ABCB9: variants seen among roughly 807,000 people sequenced by gnomAD.
ABCB9 encodes the protein ATP binding cassette subfamily B member 9.
Under a neutral mutation model 62.0 loss-of-function variants are expected in ABCB9, and 36 were observed. The ratio of observed to expected loss-of-function variants is 0.58; its 90% CI spans 0.45 to 0.77. The LOEUF (loss-of-function observed/expected upper bound fraction) is 0.77. ABCB9 is among the 30% of genes least tolerant of loss of function. ABCB9 has a pLI of 0.00. For synonymous variants in ABCB9, 435 were observed against 461.4 expected (o/e 0.94, Z 0.73); for missense variants, 943 against 1,054.7 (o/e 0.89, Z 1.47).
chr12:122,963,610 C>A (rs947248677), intron 1 of ABCB9, among the ~76,000 whole-genome samples: 1 of 152,112 alleles, frequency 6.6e-6, no homozygotes, highest in African/African-American at 2.4e-5. Flanking sequence ...GTTCCAAAAT[C>A]TGTACTCTCA....
Position 122,947,321 on chromosome 12 carries a change from G to T in ABCB9, c.1054-1099C>A, listed in dbSNP as rs374113009. On this transcript the variant is annotated intron_variant, in intron 5 of 11. Coordinates refer to ENST00000280560, the MANE Select transcript of ABCB9 (RefSeq NM_019625.4). This position sits in a 1 kb window ranked among gnomAD's most constrained non-coding sequence, Gnocchi z 6.0. ...CAGTGAGGACGGTGGGGAGGCTCGT[G>T]ACCAGGAACTTCGGGAAGAGGTCCT... Among the ~76,000 whole-genome samples the T allele has an allele frequency of 9.1e-4, 139 of 152,310 alleles. 4 individuals carry two copies. In the South Asian group the frequency reaches 0.028, roughly 31 times the overall value.
chr12:122,952,905 C>T (rs1419755050), intron 2 of ABCB9: 2 of 152,244 alleles, frequency 1.3e-5, no homozygotes, highest in Non-Finnish European at 2.9e-5. Context: ...CAACTTTGCT[C>T]ACATCAGCCT....
intron 10 of ABCB9, among the ~76,000 whole-genome samples, chr12:122,933,150 C>T (rs2035278424): frequency 3.3e-5 from 5 of 152,198 alleles, no homozygotes; most frequent in Admixed American, 2.6e-4. Context: ...GCCTTGGCCT[C>T]CAAAGTGCTG....
chr12:122,918,712 C>A (rs766890607), downstream of ABCB9, among the ~76,000 whole-genome samples: 1 of 152,120 alleles, frequency 6.6e-6, no homozygotes, highest in Non-Finnish European at 1.5e-5. Flanking sequence ...CCCACTTCGG[C>A]CTCCTAAAGT....
chr12:122,935,334 TC>T lies in ABCB9; in HGVS notation c.1840del (p.Glu614ArgfsTer67). 6.2e-7 allele frequency: 1 copy of T among 1,614,048 alleles called. No individual in the cohort carries two copies. The highest frequency in any genetic ancestry group is 8.5e-7 in the Non-Finnish European group (1 of 1,179,992). On this transcript the variant is annotated frameshift_variant, in exon 10 of 12. Transcript: ENST00000280560. LOFTEE classifies it high-confidence loss of function. ...GTGGGCATTGGCCTTCTGTGCGGCCTCCACCACCATCTCGAAAGGCACAGTG... is the reference window on the plus strand; with the variant it reads ...GTGGGCATTGGCCTTCTGTGCGGCCTCACCACCATCTCGAAAGGCACAGTG... ...LPTVPFEMVV[E>X]AAQKANAHGF...
At chr12:122,962,627 A>C (rs778525317) in intron 1 of ABCB9, among the ~76,000 whole-genome samples, 8 of 152,174 alleles carry the variant, frequency 5.3e-5, no homozygotes, top group Non-Finnish European at 1.0e-4. Flanking sequence ...AGCCAGGATG[A>C]CTTGAGGCAG....
In ABCB9 at chr12:122,946,586, G is replaced by A. The variant is rs2135839887; in HGVS notation, c.1054-364C>T. ...CACCTGACCCTGTGCTGGAAGAGCA[G>A]GGGATGCCTTGGACGGTTGTTCAGG... On this transcript the variant is annotated intron_variant, in intron 5 of 11. Coordinates refer to ENST00000280560, the MANE Select transcript of ABCB9 (RefSeq NM_019625.4). The A allele has an allele frequency of 1.0e-5, 3 of 289,534 alleles. No individual in the cohort carries two copies. The East Asian group carries it at 2.4e-4, about 23-fold the overall frequency. The allele number at this position is 289,534 out of a possible 1,614,324, so 17.9% of individuals were successfully genotyped here.
At chr12:122,938,910 G>A (rs973684197) in intron 9 of ABCB9, among the ~76,000 whole-genome samples, 2 of 151,840 alleles carry the variant, frequency 1.3e-5, no homozygotes, top group African/African-American at 4.8e-5. Flanking sequence ...GGTGGCTCAC[G>A]CCTATAAACC....
rs771775213 is a variant in ABCB9, at chr12:122,944,573, TC to T, written c.1252-55del. On this transcript the variant is annotated intron_variant, in intron 6 of 11. Coordinates refer to ENST00000280560, the MANE Select transcript of ABCB9 (RefSeq NM_019625.4). The surrounding 1 kb of genome is among the most constrained non-coding windows in gnomAD (Gnocchi z 4.9). ...CGAGGGGACCTTAGATCCCCCACCA[TC>T]CCCATTCCCTGACCCATCCCAGGCT... is the stretch of plus-strand genomic sequence containing the variant. 6 of 1,597,258 alleles carry T rather than the reference TC, an allele frequency of 3.8e-6. No homozygotes were observed. Among genetic ancestry groups the T allele is most frequent in the Non-Finnish European group, 5.1e-6 (6 of 1,170,514 alleles).
chr12:122,932,024 C>T lies in ABCB9; in HGVS notation c.2040+168G>A. On this transcript the variant is annotated intron_variant, in intron 11 of 11. Coordinates refer to ENST00000280560, the MANE Select transcript of ABCB9 (RefSeq NM_019625.4). This position sits in a 1 kb window ranked among gnomAD's most constrained non-coding sequence, Gnocchi z 4.7. ...AGCCTGGAGGCTGGGTCCAGAGTGG[C>T]TCCTGGCTCCCCACTCTCAACACCA... 1.6e-6 allele frequency: 2 copies of T among 1,240,002 alleles called. No individual in the cohort carries two copies. Among genetic ancestry groups the T allele is most frequent in the Non-Finnish European group, 2.2e-6 (2 of 891,954 alleles). 76.8% of individuals were successfully genotyped at this position (1,240,002 alleles called of 1,614,324 possible). A position where few individuals can be genotyped will look rare whatever the true frequency, so the allele number is the denominator to read the frequency against.
intron 3 of ABCB9, 55 bp downstream of exon 3, chr12:122,950,396 C>A: frequency 6.6e-7 from 1 of 1,508,422 alleles, no homozygotes; most frequent in Non-Finnish European, 9.0e-7. Context: ...CCTCCCTTCC[C>A]TCCCTGGTGC....
At chr12:122,951,192 T>C (rs185664366) in intron 2 of ABCB9, among the ~76,000 whole-genome samples, 221 of 151,980 alleles carry the variant, frequency 1.5e-3, no homozygotes, top group African/African-American at 4.8e-3. Context: ...CACCCCCATT[T>C]TACAAATGAG....
intron 9 of ABCB9, 44 bp from the exon 10 acceptor site, chr12:122,935,475 T>G: frequency 6.3e-7 from 1 of 1,587,988 alleles, no homozygotes; most frequent in African/African-American, 1.3e-5. Flanking sequence ...AGGAATGTGT[T>G]CATCCAGCTG....
chr12:122,967,403 G>A (rs1273724582), upstream of ABCB9, among the ~76,000 whole-genome samples: 1 of 152,224 alleles, frequency 6.6e-6, no homozygotes, highest in East Asian at 1.9e-4. Context: ...GGGTCCATGT[G>A]GCCTGAACCG....
intron 9 of ABCB9, chr12:122,939,491 A>T (rs1182491547): frequency 6.5e-6 from 1 of 152,766 alleles, no homozygotes; most frequent in Non-Finnish European, 1.5e-5. Context: ...GAGAAGGGAC[A>T]CATGGCGGGG....
rs1290379819 is a variant in ABCB9, at chr12:122,929,795, G to C, written c.*116C>G. The C allele has an allele frequency of 7.0e-7, 1 of 1,428,090 alleles. No homozygotes were observed. The highest frequency in any genetic ancestry group is 9.1e-7 in the Non-Finnish European group (1 of 1,092,988). 88.5% of individuals were successfully genotyped at this position (1,428,090 alleles called of 1,614,324 possible). On this transcript the variant is annotated 3_prime_UTR_variant, in exon 12 of 12. Coordinates refer to ENST00000280560, the MANE Select transcript of ABCB9 (RefSeq NM_019625.4). The surrounding 1 kb of genome is among the most constrained non-coding windows in gnomAD (Gnocchi z 6.0). ...AAGCGGTGATCCATGGGACATGGCA[G>C]GTCGTCTTTCAGTGCTGCAGGCCTG...
chr12:122,948,816 G>C lies in ABCB9; in HGVS notation c.861C>G (p.Ser287=). The C allele has an allele frequency of 6.4e-7, 1 of 1,570,578 alleles. No homozygotes were observed. Among genetic ancestry groups the C allele is most frequent in the Non-Finnish European group, 8.6e-7 (1 of 1,158,310 alleles). Residue 287 remains serine (S), a synonymous_variant, in exon 5 of 12, where the codon TCC becomes TCG. Transcript: ENST00000280560. ...CCATGGTGGTGTCCGAGGTCAGGCGGGAGATGAGGTCCCCTGGAACACACG... is the reference window on the plus strand; with the variant it reads ...CCATGGTGGTGTCCGAGGTCAGGCGCGAGATGAGGTCCCCTGGAACACACG... ...FDENRTGDLI[S]RLTSDTTMVS... is the part of the protein sequence containing the mutation.
At chr12:122,950,855 T>A (rs753011291) in intron 2 of ABCB9, 19 of 345,426 alleles carry the variant, frequency 5.5e-5, no homozygotes, top group Middle Eastern at 8.5e-4. Flanking sequence ...TTCATTCTCT[T>A]GTTTTTTGAG....
At chr12:122,924,048 A>G (rs1402767432), downstream of ABCB9, among the ~76,000 whole-genome samples, 4 of 152,178 alleles carry the variant, frequency 2.6e-5, no homozygotes, top group African/African-American at 7.2e-5. Flanking sequence ...TAGGACCCCA[A>G]GTCACTTCAG....
Sources: allele counts gnomAD v4.1 joint callset (sites outside exome capture counted in the v4.1 genomes callset), GRCh38; gene constraint gnomAD v4.1.1; non-coding constraint Gnocchi (gnomAD v3.1); transcripts MANE v1.5; gene names NCBI Gene and HGNC (gene_info 2026-07-23, HGNC 2026-07-21).